The following DRC5 variants were observed in gnomAD, a reference collection of about 807,000 sequenced individuals.
DRC5 encodes the protein dynein regulatory complex subunit 5.
the DRC5 span, among the ~76,000 whole-genome samples, chr6:44,293,312 A>AT: frequency 6.8e-6 from 1 of 146,734 alleles, no homozygotes; most frequent in Non-Finnish European, 1.5e-5. Flanking sequence ...CTCTCAAAAA[A>AT]AAAAAAAAAA....
At chr6:44,278,750 G>C in the DRC5 span, 1 of 152,074 alleles carries the variant, frequency 6.6e-6, no homozygotes, top group East Asian at 1.9e-4. Context: ...CTATTTTCTT[G>C]GTAGCTTTAC....
chr6:44,295,013 G>C, the DRC5 span, among the ~76,000 whole-genome samples: 1 of 152,166 alleles, frequency 6.6e-6, no homozygotes, highest in African/African-American at 2.4e-5. Context: ...AATAGCTGGG[G>C]GCCCCGGGCA....
the DRC5 span, chr6:44,279,748 GGTGTGTGTGTGT>G: frequency 1.1e-3 from 146 of 135,376 alleles, 1 homozygote; most frequent in African/African-American, 2.6e-3. Context: ...GTAGCCAGAG[GGTGTGTGTGTGT>G]GTGTGTGTGT....
chr6:44,296,944 T>TAGG, the DRC5 span, among the ~76,000 whole-genome samples: 1 of 150,872 alleles, frequency 6.6e-6, no homozygotes, highest in African/African-American at 2.5e-5. Flanking sequence ...TCGGCCCGTG[T>TAGG]GCTTGGACTT....
the DRC5 span, chr6:44,282,309 G>T: frequency 6.2e-7 from 1 of 1,614,242 alleles, no homozygotes. Flanking sequence ...TAGGTTGAGG[G>T]AAATGAGGTT....
chr6:44,282,776 C>T, the DRC5 span, among the ~76,000 whole-genome samples: 2 of 149,124 alleles, frequency 1.3e-5, no homozygotes, highest in Non-Finnish European at 1.5e-5. Context: ...GCTGGGTATG[C>T]TGCTTGGGTC....
At chr6:44,289,012 A>AAAAAAAAAAAG in the DRC5 span, among the ~76,000 whole-genome samples, 1 of 144,080 alleles carries the variant, frequency 6.9e-6, no homozygotes, top group African/African-American at 2.6e-5. Context: ...AAAAAAAAAA[A>AAAAAAAAAAAG]AAAAAAAAAA....
the DRC5 span, chr6:44,282,143 G>A: frequency 6.2e-7 from 1 of 1,614,150 alleles, no homozygotes; most frequent in South Asian, 1.1e-5. Context: ...GGTTGATGCT[G>A]GTGAGTGTGG....
chr6:44,282,258 G>A, the DRC5 span: 6 of 1,614,212 alleles, frequency 3.7e-6, no homozygotes, highest in South Asian at 5.5e-5. Flanking sequence ...CAAGGCATGG[G>A]CAAGAGCCTG....
At chr6:44,297,416 GCAGA>G in the DRC5 span, among the ~76,000 whole-genome samples, 711 of 152,322 alleles carry the variant, frequency 4.7e-3, 7 homozygotes, top group African/African-American at 0.016. Flanking sequence ...CAGACGGTTT[GCAGA>G]CAGTGACTGT....
chr6:44,292,516 C>T, the DRC5 span, among the ~76,000 whole-genome samples: 5 of 152,180 alleles, frequency 3.3e-5, no homozygotes, highest in African/African-American at 1.2e-4. Context: ...GGGCTGTCTC[C>T]TCCTCATTTT....
At chr6:44,286,401 G>A in the DRC5 span, 1 of 1,614,178 alleles carries the variant, frequency 6.2e-7, no homozygotes, top group Non-Finnish European at 8.5e-7. Context: ...GGCCAGCGAT[G>A]CATGCAGCAG....
the DRC5 span, chr6:44,286,320 G>A: frequency 6.2e-7 from 1 of 1,613,608 alleles, no homozygotes; most frequent in Non-Finnish European, 8.5e-7. Flanking sequence ...AAGTGCTTTA[G>A]CAGGTTCTCC....
At chr6:44,292,407 T>G in the DRC5 span, among the ~76,000 whole-genome samples, 4 of 152,168 alleles carry the variant, frequency 2.6e-5, no homozygotes, top group Non-Finnish European at 5.9e-5. Context: ...CCCCTCCCGT[T>G]GTCAGACCCC....
At chr6:44,279,634 G>A in the DRC5 span, 2 of 152,636 alleles carry the variant, frequency 1.3e-5, no homozygotes, top group Non-Finnish European at 2.9e-5. Context: ...GGAACTAGGG[G>A]ATGGCGTGGC....
chr6:44,297,496 C>T, the DRC5 span, among the ~76,000 whole-genome samples: 843 of 152,320 alleles, frequency 5.5e-3, 12 homozygotes, highest in African/African-American at 0.019. Flanking sequence ...TACGGACCGG[C>T]GCTTCCCCGC....
At chr6:44,290,869 C>A in the DRC5 span, among the ~76,000 whole-genome samples, 1 of 152,180 alleles carries the variant, frequency 6.6e-6, no homozygotes, top group Admixed American at 6.5e-5. Context: ...ACCTGGGAAA[C>A]CCCACCTGGG....
chr6:44,287,474 G>C, the DRC5 span: 2 of 1,454,760 alleles, frequency 1.4e-6, no homozygotes, highest in South Asian at 2.6e-5. Context: ...CTGCAGTCTT[G>C]GCTCCGGACA....
the DRC5 span, among the ~76,000 whole-genome samples, chr6:44,293,640 C>T: frequency 6.6e-6 from 1 of 152,252 alleles, no homozygotes; most frequent in Non-Finnish European, 1.5e-5. Flanking sequence ...ACTACCCCTC[C>T]ACAGTCACTC....
Sources: allele counts gnomAD v4.1 joint callset (sites outside exome capture counted in the v4.1 genomes callset), GRCh38; gene constraint gnomAD v4.1.1; transcripts MANE v1.5; gene names NCBI Gene and HGNC (gene_info 2026-07-23, HGNC 2026-07-21).